WDR25: variants seen among roughly 807,000 people sequenced by gnomAD.
WDR25 encodes WD repeat-containing protein 25.
In WDR25, 35 loss-of-function variants were observed where a neutral mutation model predicts 47.7. The observed-to-expected ratio is 0.73, with a 90% CI of 0.56 to 0.97. The LOEUF is 0.97. Among genes scored for constraint, WDR25 ranks in the 50% least tolerant of loss-of-function variants. The probability of loss-of-function intolerance (pLI) is 0.00; values close to 1 mark genes in which losing one functional copy is unlikely to be tolerated. For missense variants in WDR25, 634 were observed against 704.7 expected (o/e 0.90, Z 1.14); for synonymous variants, 248 against 278.9 (o/e 0.89, Z 1.10).
chr14:100,390,956 C>T (rs1304454723), intron 2 of WDR25, among the ~76,000 whole-genome samples: 1 of 152,196 alleles, frequency 6.6e-6, no homozygotes, highest in East Asian at 1.9e-4. Context: ...TCATTCTAAA[C>T]AAGCATTTGT....
At chr14:100,422,206 G>A (rs1438310265) in intron 2 of WDR25, among the ~76,000 whole-genome samples, 2 of 152,130 alleles carry the variant, frequency 1.3e-5, no homozygotes, top group African/African-American at 2.4e-5. Flanking sequence ...AGGTCTGTTC[G>A]CTCAGCATCC....
In WDR25 at chr14:100,523,714, G is replaced by T. The variant is rs1406824685; in HGVS notation, c.1102-2156G>T. Among the ~76,000 whole-genome samples the T allele has an allele frequency of 6.6e-6, 1 of 152,102 alleles. No individual in the cohort carries two copies. Among genetic ancestry groups the T allele is most frequent in the Non-Finnish European group, 1.5e-5 (1 of 68,018 alleles). ...TGGTGGGCCGAGTGGTGGGCAGATTGTAGGGACATAACCCCTGCATGTGTC... is the reference window on the plus strand; with the variant it reads ...TGGTGGGCCGAGTGGTGGGCAGATTTTAGGGACATAACCCCTGCATGTGTC... On this transcript the variant is annotated intron_variant, in intron 4 of 6. Transcript: ENST00000402312. This position sits in a 1 kb window ranked among gnomAD's most constrained non-coding sequence, Gnocchi z 4.7.
At chr14:100,443,284 C>T (rs1487556685) in intron 2 of WDR25, among the ~76,000 whole-genome samples, 1 of 152,226 alleles carries the variant, frequency 6.6e-6, no homozygotes, top group African/African-American at 2.4e-5. Flanking sequence ...ATTTATGTGC[C>T]ACATGCTTTT....
At chr14:100,398,060 A>G (rs1897298224) in intron 2 of WDR25, among the ~76,000 whole-genome samples, 1 of 151,992 alleles carries the variant, frequency 6.6e-6, no homozygotes, top group Non-Finnish European at 1.5e-5. Flanking sequence ...GCTATCTCCA[A>G]CTCCTTACCT....
Position 100,502,002 on chromosome 14 carries a change from C to A in WDR25, c.1101+17878C>A, listed in dbSNP as rs1900940053. ...CCAGGGAGCCCTCCTTCCCTGTCCGCTCCTACCACCCTTTGGTGGATCCTA... is the reference window on the plus strand; with the variant it reads ...CCAGGGAGCCCTCCTTCCCTGTCCGATCCTACCACCCTTTGGTGGATCCTA... On this transcript the variant is annotated intron_variant, in intron 4 of 6. Coordinates refer to ENST00000402312, the MANE Select transcript of WDR25 (RefSeq NM_001161476.3). The surrounding 1 kb of genome is among the most constrained non-coding windows in gnomAD (Gnocchi z 4.5). 6.6e-6 allele frequency among the ~76,000 whole-genome samples: 1 copy of A among 152,230 alleles called. No individual in the cohort carries two copies. The highest frequency in any genetic ancestry group is 6.5e-5 in the Admixed American group (1 of 15,292).
intron 4 of WDR25, among the ~76,000 whole-genome samples, chr14:100,519,805 T>TA (rs1226119825): frequency 7.1e-6 from 1 of 140,738 alleles, no homozygotes; most frequent in Non-Finnish European, 1.5e-5. Context: ...TATGTATATA[T>TA]GTATATATGT....
At chr14:100,459,894 GTATATATATATA>G (rs61706956) in intron 2 of WDR25, among the ~76,000 whole-genome samples, 5,759 of 78,268 alleles carry the variant, frequency 0.074, 411 homozygotes, top group East Asian at 0.14. Context: ...GTGTGTGTGT[GTATATATATATA>G]TATATATATA....
At chr14:100,524,477 G>A (rs1394905671) in intron 4 of WDR25, among the ~76,000 whole-genome samples, 1 of 152,222 alleles carries the variant, frequency 6.6e-6, no homozygotes, top group African/African-American at 2.4e-5. Context: ...AATCCAGTGC[G>A]TGGAGGAAGG....
rs369085549 is a variant in WDR25, at chr14:100,529,233, C to T, written c.1413+25C>T. The T allele has an allele frequency of 1.2e-4, 199 of 1,612,054 alleles. No individual in the cohort carries two copies. Among genetic ancestry groups the T allele is most frequent in the Non-Finnish European group, 1.6e-4 (190 of 1,179,586 alleles). ...GGTACTTCTGTCCTTGTCCCCCAGG[C>T]GAATGCTGAGCCCCAGCCCCAAGCC... On this transcript the variant is annotated intron_variant, in intron 6 of 6. Coordinates refer to ENST00000402312, the MANE Select transcript of WDR25 (RefSeq NM_001161476.3). The surrounding 1 kb of genome is among the most constrained non-coding windows in gnomAD (Gnocchi z 5.1).
chr14:100,510,776 T>G (rs1901285649), intron 4 of WDR25, among the ~76,000 whole-genome samples: 2 of 149,562 alleles, frequency 1.3e-5, no homozygotes, highest in Non-Finnish European at 3.0e-5. Flanking sequence ...TAAATTTTTT[T>G]TTTTTTTGTA....
intron 2 of WDR25, among the ~76,000 whole-genome samples, chr14:100,443,099 C>T (rs890940760): frequency 2.0e-5 from 3 of 152,216 alleles, no homozygotes; most frequent in African/African-American, 7.2e-5. Context: ...GAAACCTGGG[C>T]CTGCTCTGTG....
chr14:100,406,685 C>T (rs1018368021), intron 2 of WDR25: 1 of 152,304 alleles, frequency 6.6e-6, no homozygotes, highest in African/African-American at 2.4e-5. Flanking sequence ...CGGCCTGTCA[C>T]ATGTGTGCAG....
intron 2 of WDR25, among the ~76,000 whole-genome samples, chr14:100,403,182 A>G (rs1056528525): frequency 1.3e-5 from 2 of 152,152 alleles, no homozygotes; most frequent in Non-Finnish European, 2.9e-5. Flanking sequence ...TAGAAATACA[A>G]ATTGGTATTT....
At position 100,499,151 on chromosome 14, in the gene WDR25, T is replaced by C. The variant is rs1900831812; in HGVS notation, c.1101+15027T>C. Reference sequence around the variant, plus strand: ...ATATAAAGAAGATAACCCATTAAACTTCAACCCAGCCATAACCACCACTGA... The same window carrying C: ...ATATAAAGAAGATAACCCATTAAACCTCAACCCAGCCATAACCACCACTGA... On this transcript the variant is annotated intron_variant, in intron 4 of 6. Coordinates refer to ENST00000402312, the MANE Select transcript of WDR25 (RefSeq NM_001161476.3). This position sits in a 1 kb window ranked among gnomAD's most constrained non-coding sequence, Gnocchi z 4.4. Among the ~76,000 whole-genome samples, 1 of 152,240 alleles carries C rather than the reference T, an allele frequency of 6.6e-6. No individual in the cohort carries two copies. Among genetic ancestry groups the C allele is most frequent in the Non-Finnish European group, 1.5e-5 (1 of 68,038 alleles).
At chr14:100,467,845 A>G (rs1459804831) in intron 2 of WDR25, among the ~76,000 whole-genome samples, 176 bp from the exon 3 acceptor site, 2 of 152,040 alleles carry the variant, frequency 1.3e-5, no homozygotes, top group East Asian at 3.9e-4. Context: ...CAACTTACCA[A>G]TCCCAAGCCT....
intron 2 of WDR25, among the ~76,000 whole-genome samples, chr14:100,418,476 A>T (rs922191097): frequency 6.6e-6 from 1 of 151,732 alleles, no homozygotes; most frequent in Non-Finnish European, 1.5e-5. Flanking sequence ...TACTAAAAAT[A>T]CAAAAATTAG....
chr14:100,379,246 T>C (rs1024176287), intron 1 of WDR25, among the ~76,000 whole-genome samples: 1 of 152,208 alleles, frequency 6.6e-6, no homozygotes, highest in African/African-American at 2.4e-5. Context: ...TTGTGTAGGA[T>C]AAAGTTCTAC....
chr14:100,407,859 G>A lies in WDR25; in HGVS notation c.822+26113G>A, dbSNP rs1345328097. ...ACGTGTATTGCCTCTCACGTGTATT[G>A]TCTGTGAGTGTGCTGGGCTCCCAGA... On this transcript the variant is annotated intron_variant, in intron 2 of 6. Coordinates refer to ENST00000402312, the MANE Select transcript of WDR25 (RefSeq NM_001161476.3). The surrounding 1 kb of genome is among the most constrained non-coding windows in gnomAD (Gnocchi z 4.1). Among the ~76,000 whole-genome samples the A allele has an allele frequency of 3.3e-5, 5 of 152,136 alleles. No individual in the cohort carries two copies. The highest frequency in any genetic ancestry group is 1.3e-4 in the Admixed American group (2 of 15,278).
At chr14:100,475,892 A>G (rs1247691677) in intron 3 of WDR25, among the ~76,000 whole-genome samples, 2 of 151,788 alleles carry the variant, frequency 1.3e-5, no homozygotes, top group Non-Finnish European at 2.9e-5. Context: ...CCAAATATAT[A>G]TATATATAAA....
Sources: gnomAD v4.1 joint callset for allele counts (sites outside exome capture counted in the v4.1 genomes callset) on GRCh38, gnomAD v4.1.1 for gene constraint, Gnocchi (gnomAD v3.1) non-coding constraint, MANE v1.5 for transcripts, NCBI Gene and HGNC (gene_info 2026-07-23, HGNC 2026-07-21) for gene names.